Variants in KIAA1328 observed in about 807,000 individuals in gnomAD.
The protein encoded by KIAA1328 is protein hinderin.
In KIAA1328, 52 loss-of-function variants were observed where a neutral mutation model predicts 68.1. The ratio of observed to expected loss-of-function variants is 0.76; its 90% CI spans 0.61 to 0.96. The LOEUF is 0.96. KIAA1328 is among the 40% of genes least tolerant of loss of function. The pLI is 0.00. For synonymous variants in KIAA1328, 232 were observed against 239.4 expected (o/e 0.97, Z 0.28); for missense variants, 641 against 677.6 (o/e 0.95, Z 0.60).
chr18:36,965,888 C>A (rs2051911302), intron 6 of KIAA1328, among the ~76,000 whole-genome samples: 1 of 150,406 alleles, frequency 6.6e-6, no homozygotes, highest in African/African-American at 2.4e-5. Context: ...ATTGACAATC[C>A]AGAGGCATCG....
intron 6 of KIAA1328, among the ~76,000 whole-genome samples, chr18:36,969,400 TAAAG>T (rs2052077557): frequency 6.6e-6 from 1 of 151,612 alleles, no homozygotes; most frequent in Non-Finnish European, 1.5e-5. Flanking sequence ...GGCAGACTAA[TAAAG>T]AAGAAAAGAG....
rs530273581 is a variant in KIAA1328 at position 37,142,951 on chromosome 18, T to TG, written c.1233-17249_1233-17248insG. Reference sequence around the variant, plus strand: ...TTCTGGATTTACTTTGGTTTTTTTTTTTTGTTTTTTTTTTGTTTTTTAAGG... The same window carrying TG: ...TTCTGGATTTACTTTGGTTTTTTTTTGTTTGTTTTTTTTTTGTTTTTTAAGG... On this transcript the variant is annotated intron_variant, in intron 7 of 9. Transcript: ENST00000280020. 5.0e-4 allele frequency among the ~76,000 whole-genome samples: 76 copies of TG among 151,394 alleles called. No homozygotes were observed. The South Asian group carries it at 5.9e-3, about 12-fold the overall frequency.
chr18:36,976,692 A>G (rs535327441), intron 6 of KIAA1328, among the ~76,000 whole-genome samples: 103 of 152,132 alleles, frequency 6.8e-4, no homozygotes, highest in African/African-American at 2.5e-3. Flanking sequence ...ACTATATTCT[A>G]AATAACACAG....
intron 7 of KIAA1328, among the ~76,000 whole-genome samples, chr18:37,128,245 G>A (rs2058439370): frequency 2.6e-5 from 4 of 152,096 alleles, no homozygotes; most frequent in African/African-American, 9.7e-5. Flanking sequence ...AAGGTTGGTG[G>A]ATCACTTGAG....
At chr18:37,022,318 A>T (rs1023225154) in intron 6 of KIAA1328, among the ~76,000 whole-genome samples, 9 of 152,180 alleles carry the variant, frequency 5.9e-5, no homozygotes, top group Non-Finnish European at 1.3e-4. Flanking sequence ...TAATATTTTA[A>T]AACTCATATA....
intron 9 of KIAA1328, among the ~76,000 whole-genome samples, chr18:37,221,213 G>C (rs2060556290): frequency 6.6e-6 from 1 of 152,212 alleles, no homozygotes; most frequent in South Asian, 2.1e-4. Context: ...TCTTTGGAGG[G>C]ATGTCTTTAT....
At chr18:36,931,847 AGTTTTATTT>A (rs903605971) in intron 5 of KIAA1328, among the ~76,000 whole-genome samples, 35 of 151,666 alleles carry the variant, frequency 2.3e-4, no homozygotes, top group African/African-American at 7.7e-4. Context: ...TTTAATTTTT[AGTTTTATTT>A]GTTTTAACAT....
At chr18:37,175,695 C>T (rs2059586061) in intron 9 of KIAA1328, among the ~76,000 whole-genome samples, 2 of 151,954 alleles carry the variant, frequency 1.3e-5, no homozygotes. Flanking sequence ...GTTTTTATTT[C>T]AAAGTGTAGA....
intron 7 of KIAA1328, among the ~76,000 whole-genome samples, chr18:37,140,498 A>G (rs940192811): frequency 2.0e-5 from 3 of 152,186 alleles, no homozygotes; most frequent in African/African-American, 4.8e-5. Flanking sequence ...GAAAAGTTCA[A>G]GGTGCTCTGA....
At position 36,829,429 on chromosome 18, in the gene KIAA1328, G is replaced by T. The variant is rs1050504069; in HGVS notation, c.58+233G>T. ...GGACACGGCTCAGATGCTTCCCAGC[G>T]CTCACTACCGGTGAGCTCGAGAAAG... On this transcript the variant is annotated intron_variant, in intron 1 of 9. Coordinates refer to ENST00000280020, the MANE Select transcript of KIAA1328 (RefSeq NM_020776.3). 9.8e-6 allele frequency: 13 copies of T among 1,324,152 alleles called. No individual in the cohort carries two copies. In the African/African-American group the frequency reaches 1.4e-4, roughly 14 times the overall value. The allele number at this position is 1,324,152 out of a possible 1,614,324, so 82.0% of individuals were successfully genotyped here.
intron 5 of KIAA1328, among the ~76,000 whole-genome samples, chr18:36,925,472 A>G (rs1363898852): frequency 3.3e-5 from 5 of 152,172 alleles, no homozygotes; most frequent in Non-Finnish European, 7.4e-5. Context: ...CTTTTTGTAC[A>G]GTATAAACAG....
intron 5 of KIAA1328, among the ~76,000 whole-genome samples, chr18:36,947,245 A>G (rs1013225448): frequency 1.3e-5 from 2 of 152,202 alleles, no homozygotes; most frequent in Non-Finnish European, 2.9e-5. Flanking sequence ...TGATAAAAAG[A>G]GTCAAACTCT....
intron 3 of KIAA1328, among the ~76,000 whole-genome samples, chr18:36,837,901 G>A (rs899607269): frequency 6.6e-6 from 1 of 152,064 alleles, no homozygotes; most frequent in Non-Finnish European, 1.5e-5. Context: ...ATAAGTGTAA[G>A]GGTTTATTTT....
At chr18:37,023,841 T>C (rs1222969424) in intron 6 of KIAA1328, among the ~76,000 whole-genome samples, 3 of 152,200 alleles carry the variant, frequency 2.0e-5, no homozygotes, top group Non-Finnish European at 4.4e-5. Flanking sequence ...AGGGTACATA[T>C]ACAGTTTTCT....
At chr18:36,870,879 G>A (rs527286000) in intron 4 of KIAA1328, among the ~76,000 whole-genome samples, 2 of 152,298 alleles carry the variant, frequency 1.3e-5, no homozygotes, top group African/African-American at 4.8e-5. Context: ...ACAGATTTGT[G>A]TGTTTTCTCT....
At chr18:36,955,538 G>T (rs1363903822) in intron 5 of KIAA1328, among the ~76,000 whole-genome samples, 1 of 151,694 alleles carries the variant, frequency 6.6e-6, no homozygotes, top group Admixed American at 6.6e-5. Flanking sequence ...TCAATCTCTT[G>T]ACCTGGTGAT....
intron 3 of KIAA1328, among the ~76,000 whole-genome samples, chr18:36,843,768 T>A (rs1268810366): frequency 6.6e-6 from 1 of 152,208 alleles, no homozygotes; most frequent in African/African-American, 2.4e-5. Context: ...CTATTATTAC[T>A]CTTTGGTTTA....
chr18:37,079,339 G>A (rs1410144275), intron 7 of KIAA1328, among the ~76,000 whole-genome samples: 1 of 118,834 alleles, frequency 8.4e-6, no homozygotes, highest in Non-Finnish European at 1.7e-5. Context: ...GTGGGGTGGG[G>A]GGAGAGGGGA....
At chr18:36,943,088 G>T (rs149679294) in intron 5 of KIAA1328, among the ~76,000 whole-genome samples, 55 of 152,294 alleles carry the variant, frequency 3.6e-4, no homozygotes, top group African/African-American at 1.1e-3. Context: ...CACTGAAGGA[G>T]CTAACAATGT....
Sources: allele counts gnomAD v4.1 joint callset (sites outside exome capture counted in the v4.1 genomes callset), GRCh38; gene constraint gnomAD v4.1.1; transcripts MANE v1.5; gene names NCBI Gene and HGNC (gene_info 2026-07-23, HGNC 2026-07-21).